The following CLOCK variants were observed in gnomAD, a reference collection of about 807,000 sequenced individuals.
CLOCK encodes clock circadian regulator.
A neutral mutation model predicts 118.4 loss-of-function variants in CLOCK; 43 were observed. The observed-to-expected ratio is 0.36, with a 90% CI of 0.28 to 0.47. The LOEUF (loss-of-function observed/expected upper bound fraction) is 0.47, where lower values mean the gene tolerates loss of function less well. Ranked by LOEUF, CLOCK falls within the 20% of genes least tolerant of loss-of-function variation. The pLI is 1.00. For missense variants in CLOCK, 846 were observed against 999.9 expected, an observed-to-expected ratio of 0.85 and a Z score of 2.08; for synonymous variants, 326 against 339.2, an observed-to-expected ratio of 0.96 and a Z score of 0.43.
chr4:55,479,203 A>G (rs1726744781), intron 5 of CLOCK: 1 of 426,536 alleles, frequency 2.3e-6, no homozygotes, highest in South Asian at 3.2e-5. Context: ...AATGCCAATA[A>G]GAAAAACTGC....
rs1002015259 is a variant in CLOCK at position 55,509,986 on chromosome 4, T to C, written c.-210A>G. The C allele has an allele frequency of 1.3e-5, 2 of 152,218 alleles. No individual in the cohort carries two copies. Among genetic ancestry groups the C allele is most frequent in the Admixed American group, 1.3e-4 (2 of 15,280 alleles). 9.4% of individuals were successfully genotyped at this position (152,218 alleles called of 1,614,324 possible). Reference sequence around the variant, plus strand: ...TCTAAAGATTCATTTAAGAGGACTGTAGAATTATCCAAAGGCATCTTACAA... The same window carrying C: ...TCTAAAGATTCATTTAAGAGGACTGCAGAATTATCCAAAGGCATCTTACAA... On this transcript the variant is annotated 5_prime_UTR_variant, in exon 2 of 23. Transcript: ENST00000513440.
Position 55,431,027 on chromosome 4 carries a change from G to A in CLOCK, c.*4388C>T, listed in dbSNP as rs1302254932. 1 of 152,170 alleles carries A rather than the reference G, an allele frequency of 6.6e-6. No individual in the cohort carries two copies. The highest frequency in any genetic ancestry group is 2.4e-5 in the African/African-American group (1 of 41,444). The allele number at this position is 152,170 out of a possible 1,614,324, so 9.4% of individuals were successfully genotyped here. A position where few individuals can be genotyped will look rare whatever the true frequency, so the allele number is the denominator to read the frequency against. ...TGTCATTTTATATAATTTCACCTAA[G>A]TAAGTGATGATTTGGGGATCCTTTA... On this transcript the variant is annotated 3_prime_UTR_variant, in exon 23 of 23. Transcript: ENST00000513440.
chr4:55,444,722 G>A lies in CLOCK; in HGVS notation c.1603C>T (p.Arg535Cys), dbSNP rs761998791. Reference sequence around the variant, plus strand: ...CGATGAATATTTGCTTCTATCATGCGTGTCCGTTGTTCCAATTGGTCTTTC... The same window carrying A: ...CGATGAATATTTGCTTCTATCATGCATGTCCGTTGTTCCAATTGGTCTTTC... ...HLKDQLEQRT[R>C]MIEANIHRQQ... The change falls in exon 19 of 23, where the codon CGC becomes TGC. Residue 535 changes from arginine (R) to cysteine (C), a missense_variant. By Grantham distance (180) the Arg-to-Cys change is radical. Transcript: ENST00000513440. The A allele has an allele frequency of 3.1e-6, 5 of 1,613,898 alleles. No individual in the cohort carries two copies. The highest frequency in any genetic ancestry group is 2.2e-5 in the East Asian group (1 of 44,866).
At chr4:55,511,386 T>C (rs1053044390) in intron 1 of CLOCK, among the ~76,000 whole-genome samples, 1 of 152,196 alleles carries the variant, frequency 6.6e-6, no homozygotes, top group Non-Finnish European at 1.5e-5. Context: ...GAAAGCACTT[T>C]AGTGACTCTT....
chr4:55,531,348 G>T (rs1730530228), intron 1 of CLOCK, among the ~76,000 whole-genome samples: 1 of 151,830 alleles, frequency 6.6e-6, no homozygotes, highest in Non-Finnish European at 1.5e-5. Flanking sequence ...AGAAATAAAA[G>T]CAGATCTCAA....
At chr4:55,542,956 GTTTGT>G (rs925628485) in intron 1 of CLOCK, among the ~76,000 whole-genome samples, 1 of 152,048 alleles carries the variant, frequency 6.6e-6, no homozygotes, top group African/African-American at 2.4e-5. Flanking sequence ...CACCTTTTGG[GTTTGT>G]TTTGTTTAAA....
At chr4:55,503,559 G>A (rs1037347001) in intron 2 of CLOCK, among the ~76,000 whole-genome samples, 2 of 152,002 alleles carry the variant, frequency 1.3e-5, no homozygotes, top group African/African-American at 4.8e-5. Flanking sequence ...TGACACTCAG[G>A]ATTTATGCAC....
Position 55,470,782 on chromosome 4 carries a change from T to G in CLOCK, c.373A>C (p.Ile125Leu). The G allele has an allele frequency of 6.2e-7, 1 of 1,611,578 alleles. No individual in the cohort carries two copies. Among genetic ancestry groups the G allele is most frequent in the Non-Finnish European group, 8.5e-7 (1 of 1,178,552 alleles). ...LEALDGFFLA[I>L]MTDGSIIYVS... ...TATATTATGCTTCCATCTGTCATGA[T>G]TGCTAAAAAAAAACCATCAAGAGCC... The change falls in exon 8 of 23, where the codon ATC (isoleucine) becomes CTC (leucine). Residue 125 changes from isoleucine to leucine, a missense_variant. Ile to Leu is a conservative substitution (Grantham distance 5, BLOSUM62 2). Around this residue, in one of 4 missense-constraint regions of CLOCK, gnomAD observed 246 missense variants for 300.2 expected, o/e 0.82. Transcript: ENST00000513440.
At chr4:55,501,878 T>A (rs967812162) in intron 2 of CLOCK, among the ~76,000 whole-genome samples, 3 of 152,204 alleles carry the variant, frequency 2.0e-5, no homozygotes, top group African/African-American at 7.2e-5. Flanking sequence ...CTCCACTCTT[T>A]CGGATTATTT....
At chr4:55,488,992 C>T (rs1457950617) in intron 3 of CLOCK, among the ~76,000 whole-genome samples, 1 of 152,192 alleles carries the variant, frequency 6.6e-6, no homozygotes, top group Non-Finnish European at 1.5e-5. Context: ...CTCAGCCTCC[C>T]AAACTGCTAG....
At chr4:55,472,901 A>C (rs895762354) in intron 7 of CLOCK, among the ~76,000 whole-genome samples, 5 of 152,154 alleles carry the variant, frequency 3.3e-5, no homozygotes, top group Admixed American at 6.5e-5. Flanking sequence ...CCTTTAGTAC[A>C]ATAATGCCAG....
intron 15 of CLOCK, among the ~76,000 whole-genome samples, chr4:55,451,551 A>C (rs754753728): frequency 1.3e-5 from 2 of 152,198 alleles, no homozygotes; most frequent in Non-Finnish European, 2.9e-5. Flanking sequence ...CCTCGTCCCT[A>C]AACCCCAGGG....
At chr4:55,462,287 CCTTT>C (rs571453867) in intron 9 of CLOCK, among the ~76,000 whole-genome samples, 28 of 152,244 alleles carry the variant, frequency 1.8e-4, no homozygotes, top group African/African-American at 6.0e-4. Context: ...AAGGGTTCCA[CCTTT>C]CTTTCTTTTT....
At chr4:55,460,825 C>A (rs1725281703) in intron 9 of CLOCK, among the ~76,000 whole-genome samples, 1 of 152,156 alleles carries the variant, frequency 6.6e-6, no homozygotes, top group Non-Finnish European at 1.5e-5. Context: ...ATCTATCTAT[C>A]TTCAACCTTC....
chr4:55,450,041 G>A (rs2109748935), intron 16 of CLOCK, 50 bp downstream of exon 16: 1 of 1,592,640 alleles, frequency 6.3e-7, no homozygotes, highest in East Asian at 2.2e-5. Flanking sequence ...GTAACTAAAA[G>A]TTTAGTTAGT....
rs1271705269 is a variant in CLOCK, at chr4:55,438,151, T to G, written c.2361+131A>C. ...CCAACCAGAACAAGCTTTCTATCTT[T>G]GTAGAGATTTAAACTGTACAATAAG... is the stretch of plus-strand genomic sequence containing the variant. On this transcript the variant is annotated intron_variant, in intron 22 of 22. Coordinates refer to ENST00000513440, the MANE Select transcript of CLOCK (RefSeq NM_004898.4). 17 of 1,199,956 alleles carry G rather than the reference T, an allele frequency of 1.4e-5. No homozygotes were observed. The South Asian group carries it at 2.3e-4, about 16-fold the overall frequency. The allele number at this position is 1,199,956 out of a possible 1,614,324, so 74.3% of individuals were successfully genotyped here.
chr4:55,482,081 CAACTT>C (rs1483001971), intron 4 of CLOCK, among the ~76,000 whole-genome samples: 3 of 152,102 alleles, frequency 2.0e-5, no homozygotes, highest in African/African-American at 7.2e-5. Flanking sequence ...AAAACAAAGA[CAACTT>C]AAAGTCTTTT....
chr4:55,545,829 C>A (rs1362391593), intron 1 of CLOCK: 1 of 152,326 alleles, frequency 6.6e-6, no homozygotes, highest in Admixed American at 6.5e-5. Context: ...TCTACAAACG[C>A]CAGCGGCGGT....
At chr4:55,513,438 G>C (rs567990518) in intron 1 of CLOCK, among the ~76,000 whole-genome samples, 4 of 152,192 alleles carry the variant, frequency 2.6e-5, no homozygotes, top group Admixed American at 2.0e-4. Flanking sequence ...CTGTCATTAA[G>C]TGACACATGA....
Sources: allele counts gnomAD v4.1 joint callset (sites outside exome capture counted in the v4.1 genomes callset), GRCh38; gene constraint gnomAD v4.1.1; regional missense constraint gnomAD v4.1.1; transcripts MANE v1.5; gene names NCBI Gene and HGNC (gene_info 2026-07-23, HGNC 2026-07-21).